Variants in TMEM182 observed in about 807,000 individuals in gnomAD.
TMEM182 encodes transmembrane protein 182.
In TMEM182, 20 loss-of-function variants were observed where a neutral mutation model predicts 26.8. That is an observed-to-expected ratio of 0.75 (90% CI 0.53 to 1.09). TMEM182 has a LOEUF of 1.09. Among genes scored for constraint, TMEM182 ranks in the 50% least tolerant of loss-of-function variants. TMEM182 has a pLI of 0.00. For missense variants in TMEM182, 277 were observed against 275.5 expected (o/e 1.01, Z -0.04); for synonymous variants, 109 against 102.2 (o/e 1.07, Z -0.40).
At chr2:102,836,052 T>C (rs902076694) in intron 3 of TMEM182, among the ~76,000 whole-genome samples, 12 of 152,270 alleles carry the variant, frequency 7.9e-5, no homozygotes, top group Non-Finnish European at 7.4e-5. Flanking sequence ...GGTTCCTCCA[T>C]TTCTTGTCAT....
intron 4 of TMEM182, among the ~76,000 whole-genome samples, chr2:102,810,309 A>G (rs1682507048): frequency 6.6e-6 from 1 of 151,888 alleles, no homozygotes; most frequent in African/African-American, 2.4e-5. Flanking sequence ...ATATGCCTCC[A>G]TTTTTCACTC....
intron 3 of TMEM182, among the ~76,000 whole-genome samples, chr2:102,779,516 G>A (rs1270946403): frequency 6.6e-6 from 1 of 152,082 alleles, no homozygotes; most frequent in Non-Finnish European, 1.5e-5. Flanking sequence ...CATTTTTTAA[G>A]TCTATTTTCT....
chr2:102,810,779 T>C (rs1173525898), intron 4 of TMEM182, among the ~76,000 whole-genome samples: 3 of 152,246 alleles, frequency 2.0e-5, no homozygotes, highest in East Asian at 1.9e-4. Flanking sequence ...AATGTGTGCT[T>C]TCCAAATGTA....
intron 3 of TMEM182, among the ~76,000 whole-genome samples, chr2:102,782,951 T>C (rs1239506012): frequency 6.6e-6 from 1 of 152,236 alleles, no homozygotes; most frequent in East Asian, 1.9e-4. Flanking sequence ...CCAAGTTCAT[T>C]GCTTCAAGTC....
chr2:102,769,392 T>C (rs1573510985), intron 3 of TMEM182, among the ~76,000 whole-genome samples: 1 of 152,184 alleles, frequency 6.6e-6, no homozygotes, highest in Non-Finnish European at 1.5e-5. Context: ...ATGAAGAAGT[T>C]TCCTTTTCAA....
At chr2:102,757,141 A>G (rs939098331), upstream of TMEM182, among the ~76,000 whole-genome samples, 2 of 152,050 alleles carry the variant, frequency 1.3e-5, no homozygotes, top group African/African-American at 4.8e-5. Flanking sequence ...GCAAGGAGGG[A>G]GAGTAGAGTA....
intron 4 of TMEM182, among the ~76,000 whole-genome samples, chr2:102,814,086 G>GTATA (rs3080288): frequency 1.5e-3 from 222 of 148,660 alleles, no homozygotes; most frequent in African/African-American, 4.9e-3. Flanking sequence ...TCTTTAGTGT[G>GTATA]TATATATATA....
chr2:102,746,626 C>T (rs1679706614), intron 1 of TMEM182, among the ~76,000 whole-genome samples: 1 of 152,070 alleles, frequency 6.6e-6, no homozygotes, highest in South Asian at 2.1e-4. Flanking sequence ...TGGAGTCTCG[C>T]TCTCTCACCC....
chr2:102,843,096 G>A (rs1683384948), intron 3 of TMEM182, among the ~76,000 whole-genome samples: 1 of 152,192 alleles, frequency 6.6e-6, no homozygotes, highest in East Asian at 1.9e-4. Flanking sequence ...CCGTGCTAAG[G>A]TCTCCTGTTG....
At chr2:102,797,511 A>T (rs912801500) in intron 3 of TMEM182, among the ~76,000 whole-genome samples, 1 of 152,206 alleles carries the variant, frequency 6.6e-6, no homozygotes, top group East Asian at 1.9e-4. Flanking sequence ...TAGGCTACCC[A>T]ACTGGGTACT....
intron 1 of TMEM182, among the ~76,000 whole-genome samples, chr2:102,752,151 A>G (rs1280504699): frequency 1.3e-5 from 2 of 152,196 alleles, no homozygotes; most frequent in Non-Finnish European, 2.9e-5. Context: ...GCCCTGCCAT[A>G]AAGAGATTCA....
At chr2:102,740,820 A>T (rs1241774840) in intron 1 of TMEM182, among the ~76,000 whole-genome samples, 2 of 152,230 alleles carry the variant, frequency 1.3e-5, no homozygotes, top group Non-Finnish European at 1.5e-5. Context: ...CCAAATATTC[A>T]TCGACAGGTG....
intron 3 of TMEM182, among the ~76,000 whole-genome samples, chr2:102,777,356 C>T (rs111535658): frequency 6.6e-5 from 10 of 152,092 alleles, no homozygotes; most frequent in Admixed American, 4.6e-4. Flanking sequence ...CATTATTTTG[C>T]GTATGGATTT....
chr2:102,753,543 TA>T (rs1014915482), intron 1 of TMEM182, among the ~76,000 whole-genome samples: 65 of 121,722 alleles, frequency 5.3e-4, no homozygotes, highest in Admixed American at 7.2e-4. Flanking sequence ...TTTTATTTTT[TA>T]AAAAAAAATT....
intron 3 of TMEM182, among the ~76,000 whole-genome samples, chr2:102,792,166 A>C (rs1186495047): frequency 6.6e-6 from 1 of 151,382 alleles, no homozygotes; most frequent in Non-Finnish European, 1.5e-5. Context: ...TATATAAATA[A>C]TTTAAAGCCT....
At chr2:102,807,930 A>G (rs563128653) in intron 4 of TMEM182, among the ~76,000 whole-genome samples, 15 of 152,366 alleles carry the variant, frequency 9.8e-5, no homozygotes, top group African/African-American at 3.4e-4. Context: ...TCATACATAA[A>G]TGAATGACCC....
At chr2:102,763,462 T>C (rs1680296981) in intron 2 of TMEM182, among the ~76,000 whole-genome samples, 3 of 152,168 alleles carry the variant, frequency 2.0e-5, no homozygotes, top group Admixed American at 1.3e-4. Flanking sequence ...TTATCAAAAA[T>C]CAAAGTATGG....
At chr2:102,764,226 T>C (rs1680333382) in intron 2 of TMEM182, 103 bp from the exon 3 acceptor site, 2 of 1,172,376 alleles carry the variant, frequency 1.7e-6, no homozygotes, top group Admixed American at 1.9e-5. Flanking sequence ...AGTAGTTTTG[T>C]TTTGCTTGTG....
chr2:102,755,019 T>C (rs1308283280), intron 1 of TMEM182, among the ~76,000 whole-genome samples: 1 of 152,216 alleles, frequency 6.6e-6, no homozygotes, highest in African/African-American at 2.4e-5. Context: ...CTCTAGATTT[T>C]AACAGATTGC....
Sources: allele counts gnomAD v4.1 joint callset (sites outside exome capture counted in the v4.1 genomes callset), GRCh38; gene constraint gnomAD v4.1.1; transcripts MANE v1.5; gene names NCBI Gene and HGNC (gene_info 2026-07-23, HGNC 2026-07-21).